The following PPARA variants were observed in gnomAD, a reference collection of about 807,000 sequenced individuals.
PPARA encodes the protein peroxisome proliferator activated receptor alpha.
In PPARA, 22 loss-of-function variants were observed where a neutral mutation model predicts 42.2. The observed-to-expected ratio is 0.52, with a 90% confidence interval of 0.37 to 0.74. The LOEUF is 0.74. Among genes scored for constraint, PPARA ranks in the 30% least tolerant of loss-of-function variants. The pLI, the probability that PPARA is intolerant of heterozygous loss-of-function variation, is 0.00. For synonymous variants in PPARA, 242 were observed against 239.3 expected, an observed-to-expected ratio of 1.01 and a Z score of -0.10; for missense variants, 465 against 608.2, an observed-to-expected ratio of 0.76 and a Z score of 2.48.
chr22:46,152,558 C>T (rs1423607625), intron 2 of PPARA, among the ~76,000 whole-genome samples: 1 of 152,196 alleles, frequency 6.6e-6, no homozygotes, highest in East Asian at 1.9e-4. Flanking sequence ...TGAGTGCTTA[C>T]TAGACCCTTG....
intron 2 of PPARA, among the ~76,000 whole-genome samples, chr22:46,153,590 G>A (rs146641250): frequency 6.9e-4 from 105 of 152,236 alleles, no homozygotes; most frequent in East Asian, 6.2e-3. Flanking sequence ...TGTATCAGCC[G>A]GGTGCGGTGG....
chr22:46,211,483 C>G lies in PPARA; in HGVS notation c.209-3690C>G, dbSNP rs1449378341. Among the ~76,000 whole-genome samples, 1 of 152,176 alleles carries G rather than the reference C, an allele frequency of 6.6e-6. No individual in the cohort carries two copies. Among genetic ancestry groups the G allele is most frequent in the East Asian group, 1.9e-4 (1 of 5,198 alleles). ...GTGCAGCGCCTTTCCGCACCTGCAC[C>G]CACTTTTTCCCCTGAGATTGTTTCC... is the stretch of plus-strand genomic sequence containing the variant. On this transcript the variant is annotated intron_variant, in intron 4 of 8. Coordinates refer to ENST00000407236, the MANE Select transcript of PPARA (RefSeq NM_005036.6). The surrounding 1 kb of genome is among the most constrained non-coding windows in gnomAD (Gnocchi z 4.1).
In PPARA at chr22:46,227,977, C is replaced by T. The variant is rs928309281; in HGVS notation, c.712-3815C>T. ...AATAAACATTGGTTTCTTCATGGTA[C>T]CACTCATTTTGAATTCAGTGGTCTC... On this transcript the variant is annotated intron_variant, in intron 7 of 8. Transcript: ENST00000407236. This position sits in a 1 kb window ranked among gnomAD's most constrained non-coding sequence, Gnocchi z 4.3. Among the ~76,000 whole-genome samples the T allele has an allele frequency of 2.6e-5, 4 of 152,156 alleles. No individual in the cohort carries two copies. The highest frequency in any genetic ancestry group is 6.5e-5 in the Admixed American group (1 of 15,278).
At chr22:46,210,173 G>A (rs533975743) in intron 4 of PPARA, among the ~76,000 whole-genome samples, 51 of 151,906 alleles carry the variant, frequency 3.4e-4, no homozygotes, top group Non-Finnish European at 5.3e-4. Flanking sequence ...GCCAGGCACA[G>A]TGGCACATGC....
At chr22:46,199,386 A>T (rs1210197271) in intron 4 of PPARA, among the ~76,000 whole-genome samples, 1 of 152,132 alleles carries the variant, frequency 6.6e-6, no homozygotes, top group African/African-American at 2.4e-5. Context: ...TAATCCCAGC[A>T]CTTTGGAAGG....
chr22:46,154,282 C>A (rs1282344704), intron 2 of PPARA, among the ~76,000 whole-genome samples: 2 of 152,168 alleles, frequency 1.3e-5, no homozygotes. Context: ...GGCCAGTGTT[C>A]TTTTTCTTGC....
Position 46,185,894 on chromosome 22 carries a change from C to CAAAAAAAAAAAAAAAAAAAAAAAAAAA in PPARA, c.-43+9058_-43+9059insAAAAAAAAAAAAAAAAAAAAAAAAAAA. ...TGGGTGACAAAGTGAGACTCCGTCT[C>CAAAAAAAAAAAAAAAAAAAAAAAAAAA]CAAAAAAAAAAAAAAAAAAAAAATA... On this transcript the variant is annotated intron_variant, in intron 3 of 8. Transcript: ENST00000407236. Among the ~76,000 whole-genome samples the CAAAAAAAAAAAAAAAAAAAAAAAAAAA allele has an allele frequency of 1.4e-4, 3 of 20,862 alleles. 1 individual carries two copies. The highest frequency in any genetic ancestry group is 1.6e-3 in the South Asian group (1 of 620). 13.7% of individuals were successfully genotyped at this position (20,862 alleles called of 152,430 possible).
Position 46,235,624 on chromosome 22 carries a change from T to G in PPARA, c.*244T>G. 1.8e-6 allele frequency: 1 copy of G among 540,704 alleles called. No homozygotes were observed. The highest frequency in any genetic ancestry group is 3.3e-6 in the Non-Finnish European group (1 of 300,592). 33.5% of individuals were successfully genotyped at this position (540,704 alleles called of 1,614,324 possible). On this transcript the variant is annotated 3_prime_UTR_variant, in exon 9 of 9. Transcript: ENST00000407236. This position sits in a 1 kb window ranked among gnomAD's most constrained non-coding sequence, Gnocchi z 7.0. ...TCAGGACTGGGAAGATTACGGCGAA[T>G]TATGCTCAATGGTCTGATTTTAACT...
At chr22:46,228,396 G>A (rs961338096) in intron 7 of PPARA, among the ~76,000 whole-genome samples, 4 of 143,692 alleles carry the variant, frequency 2.8e-5, no homozygotes, top group Admixed American at 6.7e-5. Context: ...TTAACCAGGC[G>A]TGGTTGGTGG....
chr22:46,159,549 G>A (rs547917177), intron 2 of PPARA, among the ~76,000 whole-genome samples: 28 of 152,286 alleles, frequency 1.8e-4, no homozygotes, highest in African/African-American at 6.3e-4. Context: ...TTTAGAACGC[G>A]ATTTTCATTC....
chr22:46,164,966 AT>A (rs1376194190), intron 2 of PPARA: 1 of 152,212 alleles, frequency 6.6e-6, no homozygotes, highest in Non-Finnish European at 1.5e-5. Context: ...GGGCTGATAA[AT>A]TTGGGATGGT....
At chr22:46,176,664 G>T (rs1929108927) in intron 2 of PPARA, 89 bp from the exon 3 acceptor site, 1 of 152,164 alleles carries the variant, frequency 6.6e-6, no homozygotes, top group Non-Finnish European at 1.5e-5. Flanking sequence ...TTCTAGTGTT[G>T]TTGAATGGTG....
At position 46,237,805 on chromosome 22, in the gene PPARA, T is replaced by C. The variant is rs898417675; in HGVS notation, c.*2425T>C. 1.3e-5 allele frequency: 2 copies of C among 152,190 alleles called. No homozygotes were observed. The highest frequency in any genetic ancestry group is 2.9e-5 in the Non-Finnish European group (2 of 68,054). The allele number at this position is 152,190 out of a possible 1,614,324, so 9.4% of individuals were successfully genotyped here. A position where few individuals can be genotyped will look rare whatever the true frequency, so the allele number is the denominator to read the frequency against. ...GTCTGTCATGGTGCATCCGTTTCAGTATTATTTCCTAAAATGAGAAGCCCC... is the reference window on the plus strand; with the variant it reads ...GTCTGTCATGGTGCATCCGTTTCAGCATTATTTCCTAAAATGAGAAGCCCC... On this transcript the variant is annotated 3_prime_UTR_variant, in exon 9 of 9. Coordinates refer to ENST00000407236, the MANE Select transcript of PPARA (RefSeq NM_005036.6). The surrounding 1 kb of genome is among the most constrained non-coding windows in gnomAD (Gnocchi z 6.7).
In PPARA at chr22:46,183,006, A is replaced by G. The variant is rs142460268; in HGVS notation, c.-43+6170A>G. Among the ~76,000 whole-genome samples the G allele has an allele frequency of 1.2e-4, 18 of 152,248 alleles. No homozygotes were observed. The East Asian group carries it at 3.5e-3, about 29-fold the overall frequency. On this transcript the variant is annotated intron_variant, in intron 3 of 8. Coordinates refer to ENST00000407236, the MANE Select transcript of PPARA (RefSeq NM_005036.6). This position sits in a 1 kb window ranked among gnomAD's most constrained non-coding sequence, Gnocchi z 5.5. ...GTGATCCACCCACCTCGGCCTCCCA[A>G]AGTGTTGGGATTATAGGCATGAGCC...
rs544882501 is a variant in PPARA, at chr22:46,231,622, T to C, written c.712-170T>C. On this transcript the variant is annotated intron_variant, in intron 7 of 8. Coordinates refer to ENST00000407236, the MANE Select transcript of PPARA (RefSeq NM_005036.6). The surrounding 1 kb of genome is among the most constrained non-coding windows in gnomAD (Gnocchi z 7.7). Reference sequence around the variant, plus strand: ...TTTGTTCTCTATTAATGTCTTATTTTCCCCAACCGATTTTGAAGTTGAGTA... The same window carrying C: ...TTTGTTCTCTATTAATGTCTTATTTCCCCCAACCGATTTTGAAGTTGAGTA... Among the ~76,000 whole-genome samples, 1 of 152,336 alleles carries C rather than the reference T, an allele frequency of 6.6e-6. No homozygotes were observed. The highest frequency in any genetic ancestry group is 2.4e-5 in the African/African-American group (1 of 41,580).
rs1935557665 is a variant in PPARA, at chr22:46,227,589, CAGAGATGAATTCTCATG to C, written c.712-4200_712-4184del. 6.6e-6 allele frequency among the ~76,000 whole-genome samples: 1 copy of C among 152,162 alleles called. No individual in the cohort carries two copies. The highest frequency in any genetic ancestry group is 1.5e-5 in the Non-Finnish European group (1 of 68,044). ...TTTGCAAAAAGATGACAGCTGCTAA[CAGAGATGAATTCTCATG>C]AGTGATATCATTGAGCTTCGTAGGC... On this transcript the variant is annotated intron_variant, in intron 7 of 8. Coordinates refer to ENST00000407236, the MANE Select transcript of PPARA (RefSeq NM_005036.6). The surrounding 1 kb of genome is among the most constrained non-coding windows in gnomAD (Gnocchi z 4.3).
rs117138254 is a variant in PPARA at position 46,184,506 on chromosome 22, C to G, written c.-43+7670C>G. On this transcript the variant is annotated intron_variant, in intron 3 of 8. Transcript: ENST00000407236. The surrounding 1 kb of genome is among the most constrained non-coding windows in gnomAD (Gnocchi z 4.4). Reference sequence around the variant, plus strand: ...TATGGGGTCAGAAGCCAGTTTCCTCCCATATTTAGAAGGTTTCCAACTGTT... The same window carrying G: ...TATGGGGTCAGAAGCCAGTTTCCTCGCATATTTAGAAGGTTTCCAACTGTT... Among the ~76,000 whole-genome samples the G allele has an allele frequency of 6.6e-5, 10 of 152,242 alleles. No individual in the cohort carries two copies. The highest frequency in any genetic ancestry group is 1.2e-4 in the Non-Finnish European group (8 of 68,022).
chr22:46,159,886 C>T (rs1002700625), intron 2 of PPARA, among the ~76,000 whole-genome samples: 4 of 152,194 alleles, frequency 2.6e-5, no homozygotes, highest in African/African-American at 7.2e-5. Flanking sequence ...ACTAATGACA[C>T]TGAGGGTGGG....
At chr22:46,157,784 G>A (rs1925543996) in intron 2 of PPARA, among the ~76,000 whole-genome samples, 1 of 152,152 alleles carries the variant, frequency 6.6e-6, no homozygotes, top group African/African-American at 2.4e-5. Context: ...ATTCCCAGGA[G>A]AAATTGGAGA....
Sources: gnomAD v4.1 joint callset for allele counts (sites outside exome capture counted in the v4.1 genomes callset) on GRCh38, gnomAD v4.1.1 for gene constraint, Gnocchi (gnomAD v3.1) non-coding constraint, MANE v1.5 for transcripts, NCBI Gene and HGNC (gene_info 2026-07-23, HGNC 2026-07-21) for gene names.